NPTX1: variants seen among roughly 807,000 people sequenced by gnomAD.
NPTX1 encodes the protein neuronal pentraxin-1.
In NPTX1, 12 loss-of-function variants were observed where a neutral mutation model predicts 38.7. The observed-to-expected ratio is 0.31, with a 90% CI of 0.20 to 0.50. NPTX1 has a LOEUF of 0.50. Among genes scored for constraint, NPTX1 ranks in the 20% least tolerant of loss-of-function variants. The probability of loss-of-function intolerance (pLI) is 0.98; values close to 1 mark genes in which losing one functional copy is unlikely to be tolerated. For synonymous variants in NPTX1, 272 were observed against 264.9 expected (o/e 1.03, Z -0.26); for missense variants, 454 against 592.2 (o/e 0.77, Z 2.42).
In NPTX1 at chr17:80,475,916, A is replaced by C; in HGVS notation, c.444+87T>G. On this transcript the variant is annotated intron_variant, in intron 1 of 4. Transcript: ENST00000306773. The surrounding 1 kb of genome is among the most constrained non-coding windows in gnomAD (Gnocchi z 6.5). ...CGCGCGGCTGAGGCGAGGGCGGGGG[A>C]TGCCTGGCCGGGTAGGGAACGGGGT... The C allele has an allele frequency of 8.9e-7, 1 of 1,121,026 alleles. No homozygotes were observed. Among genetic ancestry groups the C allele is most frequent in the Non-Finnish European group, 1.2e-6 (1 of 805,680 alleles). 69.4% of individuals were successfully genotyped at this position (1,121,026 alleles called of 1,614,324 possible).
chr17:80,475,584 G>T lies in NPTX1; in HGVS notation c.579C>A (p.Asn193Lys). The T allele has an allele frequency of 6.2e-7, 1 of 1,612,858 alleles. No homozygotes were observed. Among genetic ancestry groups the T allele is most frequent in the Non-Finnish European group, 8.5e-7 (1 of 1,179,868 alleles). The part of the protein sequence containing the change: ...TLEEGKGGPR[N>K]DTEERVKIET... ...CGATCTTGACCCTCTCCTCGGTGTC[G>T]TTCCTGGGGCCCCCCTTGCCCTCCT... The change falls in exon 2 of 5, where the codon AAC becomes AAA. Residue 193 changes from asparagine (N) to lysine (K), a missense_variant. By Grantham distance (94) the Asn-to-Lys change is moderately conservative. Transcript: ENST00000306773. The surrounding 1 kb of genome is among the most constrained non-coding windows in gnomAD (Gnocchi z 6.5).
Position 80,476,520 on chromosome 17 carries a change from G to T in NPTX1, c.-74C>A. The T allele has an allele frequency of 1.1e-6, 1 of 901,144 alleles. No homozygotes were observed. Among genetic ancestry groups the T allele is most frequent in the Non-Finnish European group, 1.4e-6 (1 of 737,764 alleles). The allele number at this position is 901,144 out of a possible 1,614,324, so 55.8% of individuals were successfully genotyped here. A position where few individuals can be genotyped will look rare whatever the true frequency, so the allele number is the denominator to read the frequency against. ...CGGCTCCGGCTGGGACCCGGCTCGGGCTGTGGCTCCGCGAGCGGCCCGCGC... is the reference window on the plus strand; with the variant it reads ...CGGCTCCGGCTGGGACCCGGCTCGGTCTGTGGCTCCGCGAGCGGCCCGCGC... On this transcript the variant is annotated 5_prime_UTR_variant, in exon 1 of 5. Coordinates refer to ENST00000306773, the MANE Select transcript of NPTX1 (RefSeq NM_002522.4). The surrounding 1 kb of genome is among the most constrained non-coding windows in gnomAD (Gnocchi z 6.3).
rs551630260 is a variant in NPTX1, at chr17:80,475,386, G to A, written c.652+125C>T. 2 of 694,534 alleles carry A rather than the reference G, an allele frequency of 2.9e-6. No individual in the cohort carries two copies. Among genetic ancestry groups the A allele is most frequent in the African/African-American group, 3.6e-5 (2 of 56,264 alleles). The allele number at this position is 694,534 out of a possible 1,614,324, so 43.0% of individuals were successfully genotyped here. On this transcript the variant is annotated intron_variant, in intron 2 of 4. Coordinates refer to ENST00000306773, the MANE Select transcript of NPTX1 (RefSeq NM_002522.4). The surrounding 1 kb of genome is among the most constrained non-coding windows in gnomAD (Gnocchi z 6.5). ...GCGGGGAATGAGAAAGCGGTGCAGG[G>A]GTTGGGGGTAGCGGAGCGGCTTGAG... is the stretch of plus-strand genomic sequence containing the variant.
Position 80,475,550 on chromosome 17 carries a change from G to C in NPTX1, c.613C>G (p.Leu205Val). Reference sequence around the variant, plus strand: ...CTGATCCGCTGGTGCAGGGAGGTCAGGGCGGTCTCGATCTTGACCCTCTCC... The same window carrying C: ...CTGATCCGCTGGTGCAGGGAGGTCACGGCGGTCTCGATCTTGACCCTCTCC... ...TEERVKIETA[L>V]TSLHQRISEL... Residue 205 changes from leucine to valine, a missense_variant, in exon 2 of 5, where the codon CTG becomes GTG. Physicochemically the swap from Leu to Val is conservative, Grantham distance 32. Around this residue, in one of 4 missense-constraint regions of NPTX1, gnomAD observed 288 missense variants for 318.4 expected, o/e 0.90. Coordinates refer to ENST00000306773, the MANE Select transcript of NPTX1 (RefSeq NM_002522.4). This position sits in a 1 kb window ranked among gnomAD's most constrained non-coding sequence, Gnocchi z 6.5. 1 of 1,612,828 alleles carries C rather than the reference G, an allele frequency of 6.2e-7. No individual in the cohort carries two copies.
In NPTX1 at chr17:80,470,978, G is replaced by A. The variant is rs2083838875; in HGVS notation, c.1134C>T (p.His378=). ...ATQAFVGELA[H]FNIWDRKLTP... The stretch of plus-strand genomic sequence containing the variant: ...TCAGCTTGCGGTCCCAGATGTTGAA[G>A]TGGGCCAGCTCACCCACAAATGCCT... Residue 378 remains histidine, a synonymous_variant, in exon 5 of 5, where the codon CAC becomes CAT. Transcript: ENST00000306773. 2 of 1,613,624 alleles carry A rather than the reference G, an allele frequency of 1.2e-6. No homozygotes were observed. The highest frequency in any genetic ancestry group is 2.2e-5 in the East Asian group (1 of 44,870).
rs1271420890 is a variant in NPTX1, at chr17:80,470,939, C to T, written c.1173G>A (p.Val391=). 4 of 1,613,700 alleles carry T rather than the reference C, an allele frequency of 2.5e-6. No individual in the cohort carries two copies. The highest frequency in any genetic ancestry group is 3.4e-6 in the Non-Finnish European group (4 of 1,179,802). ...IWDRKLTPGE[V]YNLATCSTKA... ...TGGTGCTGCAGGTGGCCAGGTTGTA[C>T]ACCTCCCCGGGGGTCAGCTTGCGGT... Residue 391 remains valine (V), a synonymous_variant, in exon 5 of 5, where the codon GTG becomes GTA. Transcript: ENST00000306773.
chr17:80,471,680 A>G lies in NPTX1; in HGVS notation c.1077+52T>C, dbSNP rs59725969. On this transcript the variant is annotated intron_variant, in intron 4 of 4. Coordinates refer to ENST00000306773, the MANE Select transcript of NPTX1 (RefSeq NM_002522.4). ...CCTCCTTGCTCCTCTTCCCCTTCCCAGCCTCTGGTTCTGAAGCTCTCTCCC... is the reference window on the plus strand; with the variant it reads ...CCTCCTTGCTCCTCTTCCCCTTCCCGGCCTCTGGTTCTGAAGCTCTCTCCC... The G allele has an allele frequency of 3.4e-5, 54 of 1,566,272 alleles. No individual in the cohort carries two copies. The African/African-American group carries it at 6.3e-4, about 18-fold the overall frequency.
chr17:80,471,393 C>A (rs11150859), intron 4 of NPTX1, among the ~76,000 whole-genome samples: 10 of 151,920 alleles, frequency 6.6e-5, no homozygotes, highest in African/African-American at 2.2e-4. Flanking sequence ...CAGGGACAGA[C>A]GTCCCCGATT....
intron 3 of NPTX1, 56 bp downstream of exon 3, chr17:80,473,144 G>T: frequency 1.3e-6 from 2 of 1,580,982 alleles, no homozygotes; most frequent in South Asian, 2.3e-5. Context: ...CATGCAACAT[G>T]AGCTGGGGCC....
intron 4 of NPTX1, among the ~76,000 whole-genome samples, chr17:80,471,334 C>A (rs2083840900): frequency 6.6e-6 from 1 of 152,170 alleles, no homozygotes; most frequent in Admixed American, 6.5e-5. Context: ...AGCAGCTGGG[C>A]CTGGGGCCCC....
chr17:80,473,616 A>G (rs978303686), intron 2 of NPTX1, 172 bp from the exon 3 acceptor site: 2 of 650,914 alleles, frequency 3.1e-6, no homozygotes, highest in Non-Finnish European at 5.4e-6. Flanking sequence ...CCCAAGGCAC[A>G]GGGCCAGTCT....
At chr17:80,473,768 A>G in intron 2 of NPTX1, 1 of 359,566 alleles carries the variant, frequency 2.8e-6, no homozygotes, top group Non-Finnish European at 5.2e-6. Flanking sequence ...TGGGCATGAG[A>G]AGGGAATGGG....
chr17:80,474,081 G>C (rs2083859296), intron 2 of NPTX1: 1 of 153,748 alleles, frequency 6.5e-6, no homozygotes, highest in Non-Finnish European at 1.4e-5. Flanking sequence ...GCTCTGCTGA[G>C]AGGGCAGGGC....
chr17:80,475,918 G>T lies in NPTX1; in HGVS notation c.444+85C>A, dbSNP rs1323251190. The T allele has an allele frequency of 8.4e-7, 1 of 1,194,434 alleles. No homozygotes were observed. Among genetic ancestry groups the T allele is most frequent in the Non-Finnish European group, 1.2e-6 (1 of 857,600 alleles). The allele number at this position is 1,194,434 out of a possible 1,614,324, so 74.0% of individuals were successfully genotyped here. ...CGCGGCTGAGGCGAGGGCGGGGGATGCCTGGCCGGGTAGGGAACGGGGTGG... is the reference window on the plus strand; with the variant it reads ...CGCGGCTGAGGCGAGGGCGGGGGATTCCTGGCCGGGTAGGGAACGGGGTGG... On this transcript the variant is annotated intron_variant, in intron 1 of 4. Transcript: ENST00000306773. The surrounding 1 kb of genome is among the most constrained non-coding windows in gnomAD (Gnocchi z 6.5).
Position 80,475,456 on chromosome 17 carries a change from C to CGGGATCGGGATCG in NPTX1, c.652+54_652+55insCGATCCCGATCCC. 1 of 1,449,490 alleles carries CGGGATCGGGATCG rather than the reference C, an allele frequency of 6.9e-7. No homozygotes were observed. The highest frequency in any genetic ancestry group is 9.5e-7 in the Non-Finnish European group (1 of 1,054,408). 89.8% of individuals were successfully genotyped at this position (1,449,490 alleles called of 1,614,324 possible). ...GGGCTGTTAGGGATCGGGACCGAGGCAGGGTCGGGCAAGCAGGTGCAGGCA... is the reference window on the plus strand; with the variant it reads ...GGGCTGTTAGGGATCGGGACCGAGGCGGGATCGGGATCGAGGGTCGGGCAAGCAGGTGCAGGCA... On this transcript the variant is annotated intron_variant, in intron 2 of 4. Coordinates refer to ENST00000306773, the MANE Select transcript of NPTX1 (RefSeq NM_002522.4). This position sits in a 1 kb window ranked among gnomAD's most constrained non-coding sequence, Gnocchi z 6.5.
chr17:80,467,209 T>C lies in NPTX1; in HGVS notation c.*3604A>G, dbSNP rs1014723327. 5 of 149,880 alleles carry C rather than the reference T, an allele frequency of 3.3e-5. No individual in the cohort carries two copies. The highest frequency in any genetic ancestry group is 1.2e-4 in the African/African-American group (5 of 40,528). 9.3% of individuals were successfully genotyped at this position (149,880 alleles called of 1,614,324 possible). On this transcript the variant is annotated 3_prime_UTR_variant, in exon 5 of 5. Transcript: ENST00000306773. ...CTTTTTTTTTCTCTTCAATGACTTGTTCCCTTTCAACAAATTGCACTTCAG... is the reference window on the plus strand; with the variant it reads ...CTTTTTTTTTCTCTTCAATGACTTGCTCCCTTTCAACAAATTGCACTTCAG...
chr17:80,474,522 G>C lies in NPTX1; in HGVS notation c.652+989C>G, dbSNP rs561578138. The C allele has an allele frequency of 2.0e-5, 3 of 152,562 alleles. No individual in the cohort carries two copies. The East Asian group carries it at 5.8e-4, about 29-fold the overall frequency. The allele number at this position is 152,562 out of a possible 1,614,324, so 9.5% of individuals were successfully genotyped here. A position where few individuals can be genotyped will look rare whatever the true frequency, so the allele number is the denominator to read the frequency against. On this transcript the variant is annotated intron_variant, in intron 2 of 4. Transcript: ENST00000306773. The stretch of plus-strand genomic sequence containing the variant: ...ACCCCCTCCTCTAAACCAACTGGCA[G>C]GGAGCAGAGCAGGGCAGGCCCCCTC...
rs2083824286 is a variant in NPTX1, at chr17:80,469,175, C to T, written c.*1638G>A. The T allele has an allele frequency of 6.6e-6, 1 of 152,578 alleles. No homozygotes were observed. The highest frequency in any genetic ancestry group is 2.1e-4 in the South Asian group (1 of 4,824). The allele number at this position is 152,578 out of a possible 1,614,324, so 9.5% of individuals were successfully genotyped here. On this transcript the variant is annotated 3_prime_UTR_variant, in exon 5 of 5. Transcript: ENST00000306773. ...CAGAAGACAGAAACACCTGCTCCTC[C>T]TGCAGAAATGTCTGCAGCTGCAGCT...
At position 80,470,808 on chromosome 17, in the gene NPTX1, C is replaced by T. The variant is rs765132138; in HGVS notation, c.*5G>A. ...GGCGGGCGGGCTCAGCCTGGCCTGC[C>T]GTGCTCAGTTGATCTGGCGACAGGC... is the stretch of plus-strand genomic sequence containing the variant. On this transcript the variant is annotated 3_prime_UTR_variant, in exon 5 of 5. Transcript: ENST00000306773. 4.0e-5 allele frequency: 63 copies of T among 1,568,902 alleles called. No individual in the cohort carries two copies. The highest frequency in any genetic ancestry group is 4.8e-5 in the Non-Finnish European group (55 of 1,152,810).
Sources: allele counts gnomAD v4.1 joint callset (sites outside exome capture counted in the v4.1 genomes callset), GRCh38; gene constraint gnomAD v4.1.1; regional missense constraint gnomAD v4.1.1; non-coding constraint Gnocchi (gnomAD v3.1); transcripts MANE v1.5; gene names NCBI Gene and HGNC (gene_info 2026-07-23, HGNC 2026-07-21).